XRCC4: variants seen among roughly 807,000 people sequenced by gnomAD.
XRCC4 encodes X-ray repair cross complementing 4, also known as DNA repair protein XRCC4.
Under a neutral mutation model 39.1 loss-of-function variants are expected in XRCC4, and 28 were observed. The observed-to-expected ratio is 0.72, with a 90% CI of 0.53 to 0.98. The LOEUF (loss-of-function observed/expected upper bound fraction) is 0.98, where lower values mean the gene tolerates loss of function less well. XRCC4 is among the 50% of genes least tolerant of loss of function. The pLI is 0.00. For missense variants in XRCC4, 350 were observed against 376.4 expected (o/e 0.93, Z 0.58); for synonymous variants, 123 against 126.4 (o/e 0.97, Z 0.18).
intron 6 of XRCC4, among the ~76,000 whole-genome samples, chr5:83,218,626 T>G (rs985953826): frequency 3.9e-5 from 6 of 152,056 alleles, no homozygotes; most frequent in African/African-American, 1.4e-4. Flanking sequence ...TTTTGTTTTG[T>G]TTTTTTACCA....
chr5:83,253,622 C>T, intron 6 of XRCC4, among the ~76,000 whole-genome samples: 1 of 151,498 alleles, frequency 6.6e-6, no homozygotes. Context: ...GTGTGCCAAG[C>T]TATATATCAT....
chr5:83,355,829 G>A (rs1757183902), downstream of XRCC4, among the ~76,000 whole-genome samples: 1 of 152,114 alleles, frequency 6.6e-6, no homozygotes. Context: ...GTAGAGATGG[G>A]GTTTGGCCAT....
intron 3 of XRCC4, among the ~76,000 whole-genome samples, chr5:83,171,023 G>A (rs1336297993): frequency 2.0e-5 from 3 of 152,014 alleles, no homozygotes; most frequent in South Asian, 2.1e-4. Context: ...TTCTAAGTCC[G>A]AATTCTCCAG....
At chr5:83,100,138 C>T (rs1745861704) in intron 1 of XRCC4, among the ~76,000 whole-genome samples, 1 of 152,116 alleles carries the variant, frequency 6.6e-6, no homozygotes. Flanking sequence ...AAACAAGTTA[C>T]TTGTAGGATA....
intron 3 of XRCC4, among the ~76,000 whole-genome samples, chr5:83,149,622 A>G (rs1449371316): frequency 6.6e-6 from 1 of 152,126 alleles, no homozygotes; most frequent in African/African-American, 2.4e-5. Context: ...AGTTCAACTC[A>G]ATGTAGTATT....
At chr5:83,363,924 G>T in the XRCC4 span, among the ~76,000 whole-genome samples, 6 of 152,262 alleles carry the variant, frequency 3.9e-5, no homozygotes, top group East Asian at 1.2e-3. Context: ...GAGTCTGTAG[G>T]TGCAACTATG....
At chr5:83,341,309 G>A (rs1402013920) in intron 7 of XRCC4, among the ~76,000 whole-genome samples, 1 of 151,780 alleles carries the variant, frequency 6.6e-6, no homozygotes, top group Non-Finnish European at 1.5e-5. Flanking sequence ...AGCTATTGTA[G>A]ACACATGAGC....
the XRCC4 span, among the ~76,000 whole-genome samples, chr5:83,369,443 G>A: frequency 3.4e-3 from 523 of 152,052 alleles, 2 homozygotes; most frequent in African/African-American, 0.012. Context: ...TATTGTTCCC[G>A]TCTTGTGTCC....
chr5:83,101,119 A>G (rs1203279797), intron 1 of XRCC4, among the ~76,000 whole-genome samples: 1 of 152,116 alleles, frequency 6.6e-6, no homozygotes, highest in African/African-American at 2.4e-5. Flanking sequence ...GGATCATCTA[A>G]TGAGAGATTC....
intron 6 of XRCC4, among the ~76,000 whole-genome samples, chr5:83,232,960 A>G (rs1207796492): frequency 2.0e-5 from 3 of 152,190 alleles, no homozygotes; most frequent in African/African-American, 7.2e-5. Context: ...GAACCCATTT[A>G]TGACTGACAA....
At chr5:83,280,501 A>C (rs1443494921) in intron 7 of XRCC4, 1 of 811,644 alleles carries the variant, frequency 1.2e-6, no homozygotes, top group African/African-American at 1.8e-5. Context: ...AGTTCTGCTC[A>C]TCAGTATACC....
intron 1 of XRCC4, among the ~76,000 whole-genome samples, chr5:83,079,887 T>C (rs1459002299): frequency 1.3e-5 from 2 of 152,106 alleles, no homozygotes; most frequent in Non-Finnish European, 2.9e-5. Context: ...ATTTCCAACT[T>C]TGGTTTCATG....
the XRCC4 span, among the ~76,000 whole-genome samples, chr5:83,359,985 C>G: frequency 1.3e-5 from 2 of 151,988 alleles, no homozygotes; most frequent in Non-Finnish European, 2.9e-5. Context: ...AGTGAAATGT[C>G]TGTGATCTTC....
chr5:83,261,397 T>G (rs1017320849), intron 7 of XRCC4, among the ~76,000 whole-genome samples: 5 of 152,048 alleles, frequency 3.3e-5, no homozygotes, highest in African/African-American at 9.7e-5. Context: ...AACGCAGATA[T>G]GGTTAGTTTG....
chr5:83,354,923 T>G (rs1363947587), downstream of XRCC4, among the ~76,000 whole-genome samples: 1 of 152,184 alleles, frequency 6.6e-6, no homozygotes, highest in Non-Finnish European at 1.5e-5. Flanking sequence ...GAGGCCAAAC[T>G]GAATTTTAAA....
At chr5:83,315,158 C>A (rs1293500774) in intron 7 of XRCC4, among the ~76,000 whole-genome samples, 1 of 152,108 alleles carries the variant, frequency 6.6e-6, no homozygotes, top group African/African-American at 2.4e-5. Context: ...TTTGAATGGT[C>A]TGGATAGAAA....
chr5:83,279,883 A>G (rs1292924482), intron 7 of XRCC4: 1 of 155,858 alleles, frequency 6.4e-6, no homozygotes, highest in Admixed American at 6.5e-5. Context: ...AACTAAAGTT[A>G]CAAGTAGGTG....
chr5:83,122,841 A>G (rs1400576578), intron 3 of XRCC4, among the ~76,000 whole-genome samples: 1 of 152,122 alleles, frequency 6.6e-6, no homozygotes, highest in East Asian at 1.9e-4. Context: ...TTTGTTTGAT[A>G]TTACAGATAT....
chr5:83,280,627 C>G, intron 7 of XRCC4: 1 of 383,504 alleles, frequency 2.6e-6, no homozygotes, highest in Non-Finnish European at 4.9e-6. Context: ...GGCTGCCTGA[C>G]CAGTCCAAGC....
Sources: allele counts gnomAD v4.1 joint callset (sites outside exome capture counted in the v4.1 genomes callset), GRCh38; gene constraint gnomAD v4.1.1; transcripts MANE v1.5; gene names NCBI Gene and HGNC (gene_info 2026-07-23, HGNC 2026-07-21).